WDR18: variants seen among roughly 807,000 people sequenced by gnomAD.
The protein encoded by WDR18 is WD repeat-containing protein 18.
WDR18 carries 33 observed loss-of-function variants against 49.6 expected under a neutral mutation model. The ratio of observed to expected loss-of-function variants is 0.67; its 90% CI spans 0.50 to 0.89. The LOEUF (loss-of-function observed/expected upper bound fraction) is 0.89. Ranked by LOEUF, WDR18 falls within the 40% of genes least tolerant of loss-of-function variation. WDR18 has a pLI of 0.00. For synonymous variants in WDR18, 315 were observed against 263.6 expected (o/e 1.19, Z -1.89); for missense variants, 653 against 593.6 (o/e 1.10, Z -1.04).
At chr19:990,763 G>A (rs1033683205) in intron 4 of WDR18, 89 bp from the exon 5 acceptor site, 12 of 1,499,158 alleles carry the variant, frequency 8.0e-6, no homozygotes, top group African/African-American at 7.0e-5. Flanking sequence ...GAGGACAGCC[G>A]ACGCCTGACC....
chr19:987,822 G>A (rs1427904682), intron 2 of WDR18, among the ~76,000 whole-genome samples: 1 of 87,440 alleles, frequency 1.1e-5, no homozygotes, highest in African/African-American at 5.8e-5. Context: ...TCCCCTAGCC[G>A]CCTCCAGTTT....
intron 4 of WDR18, chr19:990,630 TGGGA>T: frequency 3.6e-6 from 3 of 822,934 alleles, no homozygotes; most frequent in Non-Finnish European, 5.4e-6. Context: ...CCGGTGGTCC[TGGGA>T]GGGAGAACCA....
In WDR18 at chr19:994,276, A is replaced by G; in HGVS notation, c.1231A>G (p.Asn411Asp). ...RVTELEDEVR[N>D]LRKINRDLFD... ...GACGGAGCTGGAGGACGAGGTGCGC[A>G]ACCTGCGCAAGATCAATCGGGACCT... is the stretch of plus-strand genomic sequence containing the variant. Residue 411 changes from asparagine to aspartate, a missense_variant, in exon 10 of 10, where the codon AAC becomes GAC. Transcript: ENST00000585809. The G allele has an allele frequency of 1.2e-6, 2 of 1,610,398 alleles. No individual in the cohort carries two copies. The highest frequency in any genetic ancestry group is 1.1e-5 in the South Asian group (1 of 90,742).
At position 994,455 on chromosome 19, in the gene WDR18, G is replaced by C. The variant is rs1285700301; in HGVS notation, c.*111G>C. ...CCAGGCCTGGACTCTCCTCAGTTCT[G>C]TGTCGTGTTCGGGTTTTTCCTCTGT... is the stretch of plus-strand genomic sequence containing the variant. On this transcript the variant is annotated 3_prime_UTR_variant, in exon 10 of 10. Coordinates refer to ENST00000585809, the MANE Select transcript of WDR18 (RefSeq NM_024100.4). 1.3e-5 allele frequency: 19 copies of C among 1,440,244 alleles called. No homozygotes were observed. The East Asian group carries it at 4.5e-4, about 34-fold the overall frequency. 89.2% of individuals were successfully genotyped at this position (1,440,244 alleles called of 1,614,324 possible).
In WDR18 at chr19:990,218, C is replaced by A. The variant is rs752951249; in HGVS notation, c.456-5C>A. On this transcript the variant is annotated splice_polypyrimidine_tract_variant and splice_region_variant and intron_variant, in intron 3 of 9. Coordinates refer to ENST00000585809, the MANE Select transcript of WDR18 (RefSeq NM_024100.4). ...CCTGCTGAGCACCTGCCCCACCCCG[C>A]TCAGCGTGCTGCAGGCCGACCCCTC... The A allele has an allele frequency of 6.3e-7, 1 of 1,595,904 alleles. No individual in the cohort carries two copies. The highest frequency in any genetic ancestry group is 8.5e-7 in the Non-Finnish European group (1 of 1,178,164).
chr19:985,891 C>T lies in WDR18; in HGVS notation c.237C>T (p.Cys79=). The T allele has an allele frequency of 1.9e-6, 3 of 1,613,886 alleles. No homozygotes were observed. The highest frequency in any genetic ancestry group is 1.7e-4 in the Middle Eastern group (1 of 6,060). The change falls in exon 2 of 10, where the codon TGC becomes TGT. Residue 79 remains cysteine (C), a synonymous_variant. Coordinates refer to ENST00000585809, the MANE Select transcript of WDR18 (RefSeq NM_024100.4). Reference sequence around the variant, plus strand: ...ACCAGCTCCAGCAGAAGATCATGTGCCCCGGGCCTGTCACCTGTCTGACTG... The same window carrying T: ...ACCAGCTCCAGCAGAAGATCATGTGTCCCGGGCCTGTCACCTGTCTGACTG... ...RKDQLQQKIM[C]PGPVTCLTAS...
chr19:987,061 G>A (rs1161546299), intron 2 of WDR18, among the ~76,000 whole-genome samples: 2 of 152,238 alleles, frequency 1.3e-5, no homozygotes, highest in Non-Finnish European at 2.9e-5. Flanking sequence ...AGCCACCAGG[G>A]GATGGGCATG....
chr19:984,198 A>T, upstream of WDR18: 1 of 801,956 alleles, frequency 1.2e-6, no homozygotes, highest in South Asian at 2.1e-5. Context: ...TAAGCGGGAA[A>T]TCCCACTTCA....
chr19:990,888 G>A lies in WDR18; in HGVS notation c.634G>A (p.Val212Ile), dbSNP rs771225849. The change falls in exon 5 of 10, where the codon GTC becomes ATC. Residue 212 changes from valine to isoleucine, a missense_variant. Transcript: ENST00000585809. ...EVSSGELLLSVLFDVSIMAVT... is the reference protein window; with the variant it reads ...EVSSGELLLSILFDVSIMAVT... The stretch of plus-strand genomic sequence containing the variant: ...CTCCTCGGGGGAGCTGCTGCTCTCC[G>A]TCCTCTTTGACGTGTCCATCATGGC... 2.7e-5 allele frequency: 43 copies of A among 1,612,200 alleles called. No homozygotes were observed. Among genetic ancestry groups the A allele is most frequent in the Non-Finnish European group, 3.4e-5 (40 of 1,179,622 alleles).
chr19:986,814 T>C (rs1345132852), intron 2 of WDR18, among the ~76,000 whole-genome samples: 1 of 152,218 alleles, frequency 6.6e-6, no homozygotes, highest in Non-Finnish European at 1.5e-5. Context: ...GTTTGGCCCA[T>C]ACCGTAGCTG....
rs754874487 is a variant in WDR18, at chr19:992,028, G to T, written c.1005G>T (p.Pro335=). The change falls in exon 8 of 10, where the codon CCG becomes CCT. Residue 335 remains proline (P), a synonymous_variant. Transcript: ENST00000585809. The stretch of plus-strand genomic sequence containing the variant: ...GCTCAGACTTCAGGCCCAGCCTGCC[G>T]CTGCCCCACTTCAACAAGCACCTGC... The part of the protein sequence containing the change: ...MLSSDFRPSL[P]LPHFNKHLLG... 4.4e-6 allele frequency: 7 copies of T among 1,592,638 alleles called. No individual in the cohort carries two copies.
chr19:984,467 G>C lies in WDR18; in HGVS notation c.114G>C (p.Gln38His), dbSNP rs746741070. The C allele has an allele frequency of 1.1e-4, 168 of 1,587,238 alleles. 1 individual carries two copies. The highest frequency in any genetic ancestry group is 1.3e-4 in the Non-Finnish European group (157 of 1,168,936). The change falls in exon 1 of 10, where the codon CAG becomes CAC. Residue 38 changes from glutamine to histidine, a missense_variant. Coordinates refer to ENST00000585809, the MANE Select transcript of WDR18 (RefSeq NM_024100.4). ...ACCTGCTCACCTACCGCGGCGGCCA[G>C]GCGGGACCCCGCGGCCTGGCGCTGC... ...GANLLTYRGG[Q>H]AGPRGLALLN...
At chr19:986,056 C>T (rs2038471540) in intron 2 of WDR18, 81 bp downstream of exon 2, 3 of 1,389,016 alleles carry the variant, frequency 2.2e-6, no homozygotes, top group Non-Finnish European at 3.0e-6. Flanking sequence ...CAGGGAACAA[C>T]CATGCGGCCT....
chr19:987,193 A>G (rs1223289437), intron 2 of WDR18, among the ~76,000 whole-genome samples: 4 of 152,144 alleles, frequency 2.6e-5, no homozygotes, highest in Admixed American at 6.5e-5. Context: ...AAATAGAAAA[A>G]TTAGCTGGGC....
intron 8 of WDR18, 127 bp from the exon 9 acceptor site, chr19:993,893 T>C (rs2038594325): frequency 2.9e-6 from 3 of 1,034,408 alleles, no homozygotes; most frequent in Non-Finnish European, 4.3e-6. Context: ...TCTTCCCTTC[T>C]GTCTGTGGGC....
In WDR18 at chr19:990,633, G is replaced by A. The variant is rs2038532686; in HGVS notation, c.598-219G>A. 4.8e-6 allele frequency: 4 copies of A among 826,724 alleles called. No homozygotes were observed. In the East Asian group the frequency reaches 1.1e-4, roughly 24 times the overall value. The allele number at this position is 826,724 out of a possible 1,614,324, so 51.2% of individuals were successfully genotyped here. Reference sequence around the variant, plus strand: ...CTTGAGTCGTGACCGGTGGTCCTGGGAGGGAGAACCAGGGGTCATCAGCCG... The same window carrying A: ...CTTGAGTCGTGACCGGTGGTCCTGGAAGGGAGAACCAGGGGTCATCAGCCG... On this transcript the variant is annotated intron_variant, in intron 4 of 9. Coordinates refer to ENST00000585809, the MANE Select transcript of WDR18 (RefSeq NM_024100.4).
chr19:990,225 T>G lies in WDR18; in HGVS notation c.458T>G (p.Val153Gly). ...CLVLVWSLCS[V>G]LQADPSRIPA... ...AGCACCTGCCCCACCCCGCTCAGCGTGCTGCAGGCCGACCCCTCCAGGATT... is the reference window on the plus strand; with the variant it reads ...AGCACCTGCCCCACCCCGCTCAGCGGGCTGCAGGCCGACCCCTCCAGGATT... Residue 153 changes from valine (V) to glycine (G), a missense_variant and splice_region_variant, in exon 4 of 10, where the codon GTG becomes GGG. Transcript: ENST00000585809. The G allele has an allele frequency of 6.3e-7, 1 of 1,597,122 alleles. No homozygotes were observed. The highest frequency in any genetic ancestry group is 1.1e-5 in the South Asian group (1 of 90,806).
chr19:990,486 T>A, intron 4 of WDR18, 122 bp downstream of exon 4: 1 of 1,328,872 alleles, frequency 7.5e-7, no homozygotes, highest in South Asian at 1.6e-5. Flanking sequence ...CGGCTTTTAA[T>A]CCCCTGGTGC....
At position 985,785 on chromosome 19, in the gene WDR18, G is replaced by GTCCCC. The variant is rs1188368136; in HGVS notation, c.211-72_211-68dup. ...TCTCTGACTTAGCCATTGCCCAGGC[G>GTCCCC]TCCCCTCCCCTCGCCCTCCACTGCT... is the stretch of plus-strand genomic sequence containing the variant. On this transcript the variant is annotated intron_variant, in intron 1 of 9. Transcript: ENST00000585809. 3 of 1,380,126 alleles carry GTCCCC rather than the reference G, an allele frequency of 2.2e-6. No homozygotes were observed. In the African/African-American group the frequency reaches 4.3e-5, roughly 20 times the overall value. 85.5% of individuals were successfully genotyped at this position (1,380,126 alleles called of 1,614,324 possible). A position where few individuals can be genotyped will look rare whatever the true frequency, so the allele number is the denominator to read the frequency against.
Sources: gnomAD v4.1 joint callset for allele counts (sites outside exome capture counted in the v4.1 genomes callset) on GRCh38, gnomAD v4.1.1 for gene constraint, MANE v1.5 for transcripts, NCBI Gene and HGNC (gene_info 2026-07-23, HGNC 2026-07-21) for gene names.